Variants in TAF1C observed in about 807,000 individuals in gnomAD.
The protein encoded by TAF1C is TATA box-binding protein-associated factor RNA polymerase I subunit C.
In TAF1C, 79 loss-of-function variants were observed where a neutral mutation model predicts 70.5. That is an observed-to-expected ratio of 1.12 (90% CI 0.93 to 1.35). The LOEUF (loss-of-function observed/expected upper bound fraction) is 1.35. TAF1C is among the 40% of genes most tolerant of loss of function. The probability of loss-of-function intolerance (pLI) is 0.00; values close to 1 mark genes in which losing one functional copy is unlikely to be tolerated. For missense variants in TAF1C, 1,412 were observed against 1,127.8 expected, an observed-to-expected ratio of 1.25 and a Z score of -3.61; for synonymous variants, 614 against 491.1, an observed-to-expected ratio of 1.25 and a Z score of -3.31.
intron 2 of TAF1C, 105 bp downstream of exon 2, chr16:84,184,746 G>A: frequency 7.2e-7 from 1 of 1,395,060 alleles, no homozygotes; most frequent in Non-Finnish European, 9.6e-7. Context: ...AGACTCGTGT[G>A]AATGCCACCA....
At position 84,179,489 on chromosome 16, in the gene TAF1C, G is replaced by T. The variant is rs1229037446; in HGVS notation, c.1984C>A (p.Arg662=). 6.3e-6 allele frequency: 10 copies of T among 1,599,776 alleles called. No individual in the cohort carries two copies. Among genetic ancestry groups the T allele is most frequent in the Non-Finnish European group, 8.5e-6 (10 of 1,175,512 alleles). ...TCTCTCTGCAGCAGGAGCTGCCCTC[G>T]GGCCATGGCCTTGCGGAGCACACCC... ...RLGVLRKAMA[R]GQLLLQRDLG... Residue 662 remains arginine (R), a synonymous_variant, in exon 15 of 15, where the codon CGA becomes AGA. Transcript: ENST00000566732.
In TAF1C at chr16:84,178,328, G is replaced by A. The variant is rs2088859455; in HGVS notation, c.*613C>T. 1 of 457,020 alleles carries A rather than the reference G, an allele frequency of 2.2e-6. No individual in the cohort carries two copies. Among genetic ancestry groups the A allele is most frequent in the Non-Finnish European group, 4.4e-6 (1 of 227,178 alleles). 28.3% of individuals were successfully genotyped at this position (457,020 alleles called of 1,614,324 possible). A position where few individuals can be genotyped will look rare whatever the true frequency, so the allele number is the denominator to read the frequency against. On this transcript the variant is annotated 3_prime_UTR_variant, in exon 15 of 15. Transcript: ENST00000566732. ...TCTCTCTGCATGAGCTCAGTGTCAG[G>A]TAGTAGCTGTGGCGGGACGCTGTCC... is the stretch of plus-strand genomic sequence containing the variant.
At chr16:84,181,713 C>G in intron 9 of TAF1C, 33 bp downstream of exon 9, 1 of 1,613,856 alleles carries the variant, frequency 6.2e-7, no homozygotes, top group African/African-American at 1.3e-5. Flanking sequence ...CTGCCTCCAG[C>G]CCCTCCTCAC....
At chr16:84,181,716 C>G in intron 9 of TAF1C, 30 bp downstream of exon 9, 1 of 1,613,870 alleles carries the variant, frequency 6.2e-7, no homozygotes, top group Non-Finnish European at 8.5e-7. Context: ...CCTCCAGCCC[C>G]TCCTCACCGA....
Position 84,177,858 on chromosome 16 carries a change from G to A in TAF1C, c.*1083C>T, listed in dbSNP as rs1397647413. ...GCATCATAGTTTTCCCCAGTTATATGTAGCATAAATGGTTTAATCATAAAT... is the reference window on the plus strand; with the variant it reads ...GCATCATAGTTTTCCCCAGTTATATATAGCATAAATGGTTTAATCATAAAT... On this transcript the variant is annotated 3_prime_UTR_variant, in exon 15 of 15. Coordinates refer to ENST00000566732, the MANE Select transcript of TAF1C (RefSeq NM_001243156.2). The A allele has an allele frequency of 1.3e-6, 2 of 1,592,600 alleles. No individual in the cohort carries two copies. Among genetic ancestry groups the A allele is most frequent in the African/African-American group, 1.3e-5 (1 of 74,486 alleles).
At chr16:84,185,325 A>C (rs867017545) in intron 1 of TAF1C, 1 of 191,724 alleles carries the variant, frequency 5.2e-6, no homozygotes, top group African/African-American at 2.3e-5. Flanking sequence ...AGAGGGTTCC[A>C]GGCCGAACGG....
In TAF1C at chr16:84,180,203, G is replaced by A; in HGVS notation, c.1450C>T (p.Gln484Ter). ...TGCAGCAGCTGCAGCTGCCCACCCT[G>A]GCCTCCGAGGAGCAGGGGCTGCACG... ...SCVQPLLLGG[Q>*]GGQLQLLHLA... The change falls in exon 13 of 15, where the codon CAG becomes TAG. Residue 484 changes from glutamine (Q) to a stop codon, truncating the protein, a stop_gained. Transcript: ENST00000566732. LOFTEE classifies it high-confidence loss of function. 1.3e-6 allele frequency: 2 copies of A among 1,538,912 alleles called. No homozygotes were observed. The highest frequency in any genetic ancestry group is 1.7e-6 in the Non-Finnish European group (2 of 1,150,406).
At chr16:84,185,083 C>A in intron 1 of TAF1C, 23 bp from the exon 2 acceptor site, 2 of 1,430,032 alleles carry the variant, frequency 1.4e-6, no homozygotes, top group East Asian at 2.4e-5. Context: ...AAGTGCACTA[C>A]GGGAAGCATA....
At chr16:84,184,148 AGGC>A (rs1222130102) in intron 2 of TAF1C, among the ~76,000 whole-genome samples, 2 of 152,220 alleles carry the variant, frequency 1.3e-5, no homozygotes, top group Admixed American at 6.5e-5. Context: ...GGAGCCCGGC[AGGC>A]GGCTCCACCT....
At chr16:84,185,850 A>G (rs1487726690) in intron 1 of TAF1C, among the ~76,000 whole-genome samples, 1 of 152,194 alleles carries the variant, frequency 6.6e-6, no homozygotes, top group African/African-American at 2.4e-5. Context: ...CGGTGAGCTG[A>G]GATCGCGCCA....
At position 84,183,499 on chromosome 16, in the gene TAF1C, C is replaced by T. The variant is rs757073982; in HGVS notation, c.229G>A (p.Asp77Asn). ...PMLPPLIDPW[D>N]PGLTARDLLF... The stretch of plus-strand genomic sequence containing the variant: ...AGGTCCCGGGCAGTCAGGCCAGGGT[C>T]CCAGGGATCTGAGAAGGAGGTTACG... The change falls in exon 4 of 15, where the codon GAC becomes AAC. Residue 77 changes from aspartate (D) to asparagine (N), a missense_variant. Transcript: ENST00000566732. 1.9e-6 allele frequency: 3 copies of T among 1,609,892 alleles called. No individual in the cohort carries two copies. Among genetic ancestry groups the T allele is most frequent in the Non-Finnish European group, 2.5e-6 (3 of 1,178,194 alleles).
rs1261051647 is a variant in TAF1C at position 84,181,847 on chromosome 16, G to A, written c.855C>T (p.Arg285=). The A allele has an allele frequency of 8.1e-6, 13 of 1,614,214 alleles. No homozygotes were observed. The highest frequency in any genetic ancestry group is 1.1e-5 in the South Asian group (1 of 91,090). ...TVQGETLLAV[R]SDYHCAVWKF... is the part of the protein sequence containing the mutation. ...TCCACACGGCACAGTGGTAGTCAGA[G>A]CGGACGGCCAGCAGAGCTGAGGAGG... The change falls in exon 9 of 15, where the codon CGC becomes CGT. Residue 285 remains arginine, a synonymous_variant. Coordinates refer to ENST00000566732, the MANE Select transcript of TAF1C (RefSeq NM_001243156.2).
chr16:84,179,936 C>T lies in TAF1C; in HGVS notation c.1621+10G>A. On this transcript the variant is annotated intron_variant, in intron 14 of 14. Transcript: ENST00000566732. The stretch of plus-strand genomic sequence containing the variant: ...TGCGCCCCCCAAGCTCACTCCCCCA[C>T]CCAGCACACCTATGGTCGGTGCTTT... The T allele has an allele frequency of 6.5e-7, 1 of 1,536,550 alleles. No homozygotes were observed. The highest frequency in any genetic ancestry group is 8.8e-7 in the Non-Finnish European group (1 of 1,139,812).
rs1440575359 is a variant in TAF1C at position 84,179,984 on chromosome 16, T to C, written c.1583A>G (p.Gln528Arg). Residue 528 changes from glutamine (Q) to arginine (R), a missense_variant, in exon 14 of 15, where the codon CAG becomes CGG. Transcript: ENST00000566732. ...PAFPLLEPKI[Q>R]WRLQERLKAP... ...TTTCAGGCGCTCCTGCAGCCGCCAC[T>C]GGATCTTAGGCTCCAGCAGAGGAAA... 1.7e-5 allele frequency: 28 copies of C among 1,612,362 alleles called. No individual in the cohort carries two copies. Among genetic ancestry groups the C allele is most frequent in the Non-Finnish European group, 2.4e-5 (28 of 1,179,904 alleles).
Position 84,179,934 on chromosome 16 carries a change from C to G in TAF1C, c.1621+12G>C, listed in dbSNP as rs570039965. On this transcript the variant is annotated intron_variant, in intron 14 of 14. Transcript: ENST00000566732. ...ACTGCGCCCCCCAAGCTCACTCCCC[C>G]ACCCAGCACACCTATGGTCGGTGCT... 9 of 1,592,092 alleles carry G rather than the reference C, an allele frequency of 5.7e-6. No homozygotes were observed. Among genetic ancestry groups the G allele is most frequent in the East Asian group, 2.3e-5 (1 of 44,008 alleles).
Position 84,181,024 on chromosome 16 carries a change from G to A in TAF1C, c.1308+19C>T, listed in dbSNP as rs1393330552. ...AGACAGAGCAGAGGTGGGGCGGGGC[G>A]GTGTTGTGTGCCACTCACCTGGGTA... is the stretch of plus-strand genomic sequence containing the variant. On this transcript the variant is annotated intron_variant, in intron 12 of 14. Transcript: ENST00000566732. 8.2e-6 allele frequency: 13 copies of A among 1,591,188 alleles called. No homozygotes were observed. Among genetic ancestry groups the A allele is most frequent in the South Asian group, 3.3e-5 (3 of 90,372 alleles).
At position 84,183,326 on chromosome 16, in the gene TAF1C, C is replaced by T. The variant is rs200186176; in HGVS notation, c.326G>A (p.Arg109Gln). 14 of 1,613,974 alleles carry T rather than the reference C, an allele frequency of 8.7e-6. No individual in the cohort carries two copies. The highest frequency in any genetic ancestry group is 2.2e-5 in the South Asian group (2 of 91,080). Residue 109 changes from arginine to glutamine, a missense_variant, in exon 5 of 15, where the codon CGG (arginine) becomes CAG (glutamine). Arg to Gln is a conservative substitution (Grantham distance 43). Coordinates refer to ENST00000566732, the MANE Select transcript of TAF1C (RefSeq NM_001243156.2). Reference protein sequence around the residue: ...VVLDVTEQISRFLLDHGDVAF... With the variant: ...VVLDVTEQISQFLLDHGDVAF... ...TACGTCTCCATGATCCAAGAGGAAC[C>T]GGCTGATCTGGGGAGAAGAGGAGGC...
intron 1 of TAF1C, among the ~76,000 whole-genome samples, chr16:84,186,383 G>C (rs2089490161): frequency 6.6e-6 from 1 of 152,142 alleles, no homozygotes; most frequent in African/African-American, 2.4e-5. Context: ...GTGAAACCCT[G>C]TCAATACTAA....
Position 84,178,806 on chromosome 16 carries a change from G to C in TAF1C, c.*135C>G. The C allele has an allele frequency of 1.1e-6, 1 of 941,804 alleles. No homozygotes were observed. The highest frequency in any genetic ancestry group is 1.7e-5 in the South Asian group (1 of 57,198). The allele number at this position is 941,804 out of a possible 1,614,324, so 58.3% of individuals were successfully genotyped here. On this transcript the variant is annotated 3_prime_UTR_variant, in exon 15 of 15. Coordinates refer to ENST00000566732, the MANE Select transcript of TAF1C (RefSeq NM_001243156.2). Reference sequence around the variant, plus strand: ...TGTCCCTTCAACTTGGCTCCAAATTGCTTGGCTCATCATCACAGTGGCCTC... The same window carrying C: ...TGTCCCTTCAACTTGGCTCCAAATTCCTTGGCTCATCATCACAGTGGCCTC...
Sources: gnomAD v4.1 joint callset for allele counts (sites outside exome capture counted in the v4.1 genomes callset) on GRCh38, gnomAD v4.1.1 for gene constraint, MANE v1.5 for transcripts, NCBI Gene and HGNC (gene_info 2026-07-23, HGNC 2026-07-21) for gene names.